The following SYNRG variants were observed in gnomAD, a reference collection of about 807,000 sequenced individuals.
SYNRG encodes the protein AP1 gamma subunit binding protein 1.
Under a neutral mutation model 130.9 loss-of-function variants are expected in SYNRG, and 37 were observed. The observed-to-expected ratio is 0.28, with a 90% CI of 0.22 to 0.37. The LOEUF (loss-of-function observed/expected upper bound fraction) is 0.37, where lower values mean the gene tolerates loss of function less well. SYNRG is among the 10% of genes least tolerant of loss of function. SYNRG has a pLI of 1.00. For synonymous variants in SYNRG, 539 were observed against 568.1 expected (o/e 0.95, Z 0.73); for missense variants, 1,338 against 1,588.9 (o/e 0.84, Z 2.68).
At position 37,553,171 on chromosome 17, in the gene SYNRG, A is replaced by G. The variant is rs370574307; in HGVS notation, c.2552T>C (p.Met851Thr). 1.4e-5 allele frequency: 23 copies of G among 1,614,034 alleles called. No homozygotes were observed. The highest frequency in any genetic ancestry group is 4.2e-6 in the Non-Finnish European group (5 of 1,180,034). Residue 851 changes from methionine to threonine, a missense_variant, in exon 14 of 22, where the codon ATG (methionine) becomes ACG (threonine). By Grantham distance (81) the Met-to-Thr change is moderately conservative (BLOSUM62 -1). Coordinates refer to ENST00000612223, the MANE Select transcript of SYNRG (RefSeq NM_007247.6). Reference sequence around the variant, plus strand: ...TGGTAAATCCAAAGAGCTATCAGACATGACATGCTTAAGATCTCCTCCCAC... The same window carrying G: ...TGGTAAATCCAAAGAGCTATCAGACGTGACATGCTTAAGATCTCCTCCCAC... ...ADVGGDLKHV[M>T]SDSSLDLPTV...
intron 11 of SYNRG, among the ~76,000 whole-genome samples, chr17:37,565,652 C>T (rs1301936696): frequency 2.6e-5 from 4 of 151,380 alleles, no homozygotes; most frequent in Non-Finnish European, 5.9e-5. Context: ...CGTCTCTGCC[C>T]GGCCACCCAT....
chr17:37,603,429 G>A (rs2063471104), intron 1 of SYNRG, among the ~76,000 whole-genome samples: 1 of 152,166 alleles, frequency 6.6e-6, no homozygotes, highest in South Asian at 2.1e-4. Context: ...AATTTACTGT[G>A]TCCAGTTCCA....
chr17:37,608,488 C>T (rs746544304), intron 1 of SYNRG, among the ~76,000 whole-genome samples: 1 of 152,172 alleles, frequency 6.6e-6, no homozygotes, highest in Non-Finnish European at 1.5e-5. Context: ...AATCTGTCAG[C>T]TTGTAAAACG....
intron 6 of SYNRG, among the ~76,000 whole-genome samples, chr17:37,581,271 TTAC>T (rs1185379144): frequency 2.2e-5 from 3 of 136,420 alleles, no homozygotes; most frequent in African/African-American, 5.2e-5. Flanking sequence ...ATTATTATTA[TTAC>T]TATTATTATT....
intron 13 of SYNRG, among the ~76,000 whole-genome samples, chr17:37,556,742 A>T (rs2059152151): frequency 6.6e-6 from 1 of 152,332 alleles, no homozygotes; most frequent in East Asian, 1.9e-4. Context: ...AACTGACAGA[A>T]GATGTAAAAC....
At chr17:37,595,254 C>A (rs1420087335) in intron 3 of SYNRG, among the ~76,000 whole-genome samples, 2 of 152,170 alleles carry the variant, frequency 1.3e-5, no homozygotes, top group African/African-American at 4.8e-5. Flanking sequence ...ATGGTTTCAA[C>A]TTAAAATTCT....
At chr17:37,608,966 C>G (rs2064096065) in intron 1 of SYNRG, among the ~76,000 whole-genome samples, 1 of 151,876 alleles carries the variant, frequency 6.6e-6, no homozygotes, top group Admixed American at 6.6e-5. Context: ...GGAGCGGAGT[C>G]GCGGTTCCTG....
Position 37,545,219 on chromosome 17 carries a change from CA to C in SYNRG, c.2609-2655del, listed in dbSNP as rs980118326. On this transcript the variant is annotated intron_variant, in intron 14 of 21. Transcript: ENST00000612223. ...GGGCAACAAGAGCGAAACTCCGTCT[CA>C]AAAAAAAAAAATAATAATAATAATA... is the stretch of plus-strand genomic sequence containing the variant. 5.2e-3 allele frequency among the ~76,000 whole-genome samples: 733 copies of C among 140,970 alleles called. 6 individuals are homozygous for C. Among genetic ancestry groups the C allele is most frequent in the Middle Eastern group, 0.039 (11 of 280 alleles). 92.5% of individuals were successfully genotyped at this position (140,970 alleles called of 152,430 possible).
At position 37,518,830 on chromosome 17, in the gene SYNRG, T is replaced by C; in HGVS notation, c.*110A>G. 6.8e-7 allele frequency: 1 copy of C among 1,465,796 alleles called. No homozygotes were observed. 90.8% of individuals were successfully genotyped at this position (1,465,796 alleles called of 1,614,324 possible). On this transcript the variant is annotated 3_prime_UTR_variant, in exon 22 of 22. Coordinates refer to ENST00000612223, the MANE Select transcript of SYNRG (RefSeq NM_007247.6). Reference sequence around the variant, plus strand: ...GCCCCGTCCCTTGCGGTGTTCTTCATATCGATTCAGGGAAGCGAACTGTGC... The same window carrying C: ...GCCCCGTCCCTTGCGGTGTTCTTCACATCGATTCAGGGAAGCGAACTGTGC...
At position 37,519,054 on chromosome 17, in the gene SYNRG, T is replaced by G; in HGVS notation, c.3831A>C (p.Thr1277=). 1 of 1,613,726 alleles carries G rather than the reference T, an allele frequency of 6.2e-7. No individual in the cohort carries two copies. Among genetic ancestry groups the G allele is most frequent in the South Asian group, 1.1e-5 (1 of 91,074 alleles). The change falls in exon 22 of 22, where the codon ACA becomes ACC. Residue 1277 remains threonine, a synonymous_variant. Transcript: ENST00000612223. The stretch of plus-strand genomic sequence containing the variant: ...CTCCATAGGCCAGCTTGAAACTGTC[T>G]GTTTCTGAGTTGAATGCCTGCCAGA... ...EHPKKAFNSE[T]DSFKLAYGGH...
intron 19 of SYNRG, chr17:37,529,702 C>T: frequency 1.5e-6 from 2 of 1,368,262 alleles, no homozygotes; most frequent in South Asian, 2.6e-5. Context: ...AGTAAACGCA[C>T]AGCAGCAACC....
intron 1 of SYNRG, 51 bp from the exon 2 acceptor site, chr17:37,600,454 A>G: frequency 6.4e-7 from 1 of 1,572,840 alleles, no homozygotes; most frequent in South Asian, 1.1e-5. Context: ...CAAAGATTTC[A>G]AATAACACGT....
intron 3 of SYNRG, among the ~76,000 whole-genome samples, chr17:37,592,023 CAAGAAGAAAATACTTGT>C (rs1568510022): frequency 6.6e-6 from 1 of 151,794 alleles, no homozygotes; most frequent in Non-Finnish European, 1.5e-5. Flanking sequence ...AAGCTAAAGA[CAAGAAGAAAATACTTGT>C]AAACCACATA....
chr17:37,523,782 C>T (rs2055457825), intron 19 of SYNRG, among the ~76,000 whole-genome samples: 1 of 152,108 alleles, frequency 6.6e-6, no homozygotes, highest in African/African-American at 2.4e-5. Flanking sequence ...TGCACTGATT[C>T]CAGTTGGGTT....
rs1055010901 is a variant in SYNRG at position 37,573,178 on chromosome 17, C to T, written c.902-1191G>A. Reference sequence around the variant, plus strand: ...CAGTGCTTTGGGATGCTGAGGTGGGCGGGTCACAAGGTCAGGAGTTCGAGA... The same window carrying T: ...CAGTGCTTTGGGATGCTGAGGTGGGTGGGTCACAAGGTCAGGAGTTCGAGA... On this transcript the variant is annotated intron_variant, in intron 8 of 21. Coordinates refer to ENST00000612223, the MANE Select transcript of SYNRG (RefSeq NM_007247.6). Among the ~76,000 whole-genome samples the T allele has an allele frequency of 1.1e-4, 16 of 152,002 alleles. No individual in the cohort carries two copies. In the East Asian group the frequency reaches 1.9e-3, roughly 18 times the overall value.
intron 21 of SYNRG, 24 bp from the exon 22 acceptor site, chr17:37,519,095 G>A: frequency 6.2e-7 from 1 of 1,607,574 alleles, no homozygotes; most frequent in Non-Finnish European, 8.5e-7. Flanking sequence ...ACAGAGATGT[G>A]GGGCAAGTCA....
intron 6 of SYNRG, chr17:37,579,474 A>G (rs1396726178): frequency 1.6e-6 from 2 of 1,282,816 alleles, no homozygotes; most frequent in African/African-American, 1.5e-5. Flanking sequence ...ACAAAAATGG[A>G]AACCAACAGA....
At position 37,561,253 on chromosome 17, in the gene SYNRG, A is replaced by T; in HGVS notation, c.1605T>A (p.Pro535=). 2 of 1,613,724 alleles carry T rather than the reference A, an allele frequency of 1.2e-6. No homozygotes were observed. The highest frequency in any genetic ancestry group is 3.3e-5 in the Admixed American group (2 of 59,874). The part of the protein sequence containing the change: ...SSENTVPPGD[P]GDKYSAFREL... ...CTCTGAAAGCACTATATTTATCACCAGGATCTATGATAGAAAGGACAGAAG... is the reference window on the plus strand; with the variant it reads ...CTCTGAAAGCACTATATTTATCACCTGGATCTATGATAGAAAGGACAGAAG... Residue 535 remains proline (P), a synonymous_variant, in exon 13 of 22, where the codon CCT becomes CCA. Coordinates refer to ENST00000612223, the MANE Select transcript of SYNRG (RefSeq NM_007247.6).
At chr17:37,537,520 C>T (rs561934230) in intron 18 of SYNRG, 18 of 152,388 alleles carry the variant, frequency 1.2e-4, no homozygotes, top group African/African-American at 3.9e-4. Context: ...GTTCCAGCTA[C>T]TTGGGAGGCT....
Sources: gnomAD v4.1 joint callset for allele counts (sites outside exome capture counted in the v4.1 genomes callset) on GRCh38, gnomAD v4.1.1 for gene constraint, MANE v1.5 for transcripts, NCBI Gene and HGNC (gene_info 2026-07-23, HGNC 2026-07-21) for gene names.